Variants in XIRP2 observed in about 807,000 individuals in gnomAD.
XIRP2 encodes the protein xin actin-binding repeat-containing protein 2.
Under a neutral mutation model 277.0 loss-of-function variants are expected in XIRP2, and 236 were observed. The observed-to-expected ratio is 0.85, with a 90% CI of 0.77 to 0.95. The LOEUF is 0.95. XIRP2 is among the 40% of genes least tolerant of loss of function. The pLI, the probability that XIRP2 is intolerant of heterozygous loss-of-function variation, is 0.00. For missense variants in XIRP2, 4,640 were observed against 4,157.5 expected (o/e 1.12, Z -3.19); for synonymous variants, 1,490 against 1,416.5 (o/e 1.05, Z -1.17).
chr2:167,224,270 G>A (rs962428059), intron 5 of XIRP2, among the ~76,000 whole-genome samples: 1 of 152,106 alleles, frequency 6.6e-6, no homozygotes, highest in African/African-American at 2.4e-5. Flanking sequence ...GTCTTGCTCT[G>A]TTGCCCAGGT....
chr2:167,249,634 T>C lies in XIRP2; in HGVS notation c.8242T>C (p.Tyr2748His). The C allele has an allele frequency of 6.2e-7, 1 of 1,613,404 alleles. No homozygotes were observed. The highest frequency in any genetic ancestry group is 8.5e-7 in the Non-Finnish European group (1 of 1,179,750). Reference sequence around the variant, plus strand: ...TGTTCAAACCTTTACCAAAAAACAATATCTGAAAACCAAGAAAACTGAAGC... The same window carrying C: ...TGTTCAAACCTTTACCAAAAAACAACATCTGAAAACCAAGAAAACTGAAGC... ...IDVQTFTKKQ[Y>H]LKTKKTEAST... The change falls in exon 9 of 11, where the codon TAT becomes CAT. Residue 2748 changes from tyrosine to histidine, a missense_variant. Coordinates refer to ENST00000409195, the MANE Select transcript of XIRP2 (RefSeq NM_152381.6).
Position 167,017,834 on chromosome 2 carries a change from G to A in XIRP2, c.408+113944G>A, listed in dbSNP as rs562755177. Reference sequence around the variant, plus strand: ...GAAGTTCTCCAGTACCAACATCTTCGGGAACATTAATCCAGATGTCCCAGC... The same window carrying A: ...GAAGTTCTCCAGTACCAACATCTTCAGGAACATTAATCCAGATGTCCCAGC... On this transcript the variant is annotated intron_variant, in intron 2 of 10. Transcript: ENST00000409195. 5.9e-5 allele frequency among the ~76,000 whole-genome samples: 9 copies of A among 151,978 alleles called. No individual in the cohort carries two copies. In the South Asian group the frequency reaches 6.2e-4, roughly 11 times the overall value.
intron 10 of XIRP2, among the ~76,000 whole-genome samples, chr2:167,256,414 GC>G (rs1203234564): frequency 1.3e-5 from 2 of 151,390 alleles, no homozygotes; most frequent in Non-Finnish European, 3.0e-5. Context: ...TAGTTTTGTT[GC>G]TGATATTTTT....
chr2:167,255,703 T>C (rs1421686333), intron 10 of XIRP2, among the ~76,000 whole-genome samples: 2 of 151,846 alleles, frequency 1.3e-5, no homozygotes, highest in African/African-American at 4.8e-5. Flanking sequence ...TCATCTTAGT[T>C]TTCAGGTTGC....
chr2:167,067,658 A>G (rs1689331024), intron 2 of XIRP2, among the ~76,000 whole-genome samples: 1 of 152,182 alleles, frequency 6.6e-6, no homozygotes, highest in Non-Finnish European at 1.5e-5. Flanking sequence ...GCAGACGCAG[A>G]GATCCAAAGT....
chr2:167,029,771 A>C (rs1368031428), intron 2 of XIRP2, among the ~76,000 whole-genome samples: 2 of 152,136 alleles, frequency 1.3e-5, no homozygotes, highest in Non-Finnish European at 2.9e-5. Context: ...GAATAGTTTC[A>C]GAAGGAATGA....
chr2:167,248,433 T>C lies in XIRP2; in HGVS notation c.7041T>C (p.Pro2347=). ...AAAGTTTTCCAGGCCTCCCTCTTCCTCCACCTCCAGTAGATGAGAAATCTG... is the reference window on the plus strand; with the variant it reads ...AAAGTTTTCCAGGCCTCCCTCTTCCCCCACCTCCAGTAGATGAGAAATCTG... ...EFESFPGLPL[P]PPPVDEKSER... Residue 2347 remains proline (P), a synonymous_variant, in exon 9 of 11, where the codon CCT becomes CCC. Coordinates refer to ENST00000409195, the MANE Select transcript of XIRP2 (RefSeq NM_152381.6). 1 of 1,613,798 alleles carries C rather than the reference T, an allele frequency of 6.2e-7. No individual in the cohort carries two copies. The highest frequency in any genetic ancestry group is 8.5e-7 in the Non-Finnish European group (1 of 1,179,860).
chr2:167,232,115 T>C (rs1694775518), intron 5 of XIRP2, among the ~76,000 whole-genome samples: 1 of 152,128 alleles, frequency 6.6e-6, no homozygotes, highest in African/African-American at 2.4e-5. Context: ...GTGACTGATA[T>C]AAAGATAAAT....
intron 2 of XIRP2, among the ~76,000 whole-genome samples, chr2:166,976,717 T>TA (rs909048959): frequency 5.9e-5 from 9 of 151,640 alleles, no homozygotes; most frequent in African/African-American, 1.5e-4. Context: ...GTGTTATTCT[T>TA]AAAAAAACAA....
intron 2 of XIRP2, among the ~76,000 whole-genome samples, chr2:167,010,009 G>T (rs538192044): frequency 6.6e-6 from 1 of 151,948 alleles, no homozygotes; most frequent in East Asian, 1.9e-4. Context: ...CTCCCATTTT[G>T]TAGGTTGCCT....
At chr2:166,923,867 T>C (rs1685120045) in intron 2 of XIRP2, among the ~76,000 whole-genome samples, 1 of 152,146 alleles carries the variant, frequency 6.6e-6, no homozygotes, top group African/African-American at 2.4e-5. Flanking sequence ...TTTGTCACTA[T>C]GGAAAATGAC....
rs369213144 is a variant in XIRP2 at position 167,242,558 on chromosome 2, C to G, written c.1177-11C>G. ...TCACCTTTATAAGATTTGATTTTCTCTCCCCTAAAGACTGAAAGTGAATAT... is the reference window on the plus strand; with the variant it reads ...TCACCTTTATAAGATTTGATTTTCTGTCCCCTAAAGACTGAAAGTGAATAT... On this transcript the variant is annotated splice_polypyrimidine_tract_variant and intron_variant, in intron 8 of 10. Transcript: ENST00000409195. The G allele has an allele frequency of 1.9e-6, 3 of 1,594,322 alleles. No homozygotes were observed. Among genetic ancestry groups the G allele is most frequent in the African/African-American group, 2.7e-5 (2 of 74,432 alleles).
intron 2 of XIRP2, among the ~76,000 whole-genome samples, chr2:167,130,303 C>A (rs894979532): frequency 6.6e-6 from 1 of 152,158 alleles, no homozygotes; most frequent in Admixed American, 6.5e-5. Flanking sequence ...ACCATCATGA[C>A]TGTTATTTAT....
At chr2:167,079,632 T>C (rs577219113) in intron 2 of XIRP2, among the ~76,000 whole-genome samples, 1 of 152,240 alleles carries the variant, frequency 6.6e-6, no homozygotes, top group Admixed American at 6.5e-5. Context: ...CATAGAGGCA[T>C]TCATAGTACT....
intron 2 of XIRP2, among the ~76,000 whole-genome samples, chr2:167,011,918 A>G (rs1017729752): frequency 1.3e-4 from 19 of 151,994 alleles, no homozygotes; most frequent in African/African-American, 4.6e-4. Context: ...CAGTGGTGAT[A>G]TTCCCTTTAT....
chr2:167,219,740 C>T (rs1244917313), intron 5 of XIRP2, among the ~76,000 whole-genome samples: 6 of 152,140 alleles, frequency 3.9e-5, no homozygotes, highest in African/African-American at 1.2e-4. Flanking sequence ...ACTGCACAGA[C>T]CAAATTCATA....
rs1177162017 is a variant in XIRP2, at chr2:167,247,481, T to C, written c.6089T>C (p.Ile2030Thr). Reference protein sequence around the residue: ...KAPKGTVKIVIDREQNNDALE... With the variant: ...KAPKGTVKIVTDREQNNDALE... ...CCCAAAGGCACTGTAAAGATTGTCA[T>C]AGATCGTGAACAAAACAATGATGCT... Residue 2030 changes from isoleucine (I) to threonine (T), a missense_variant, in exon 9 of 11, where the codon ATA becomes ACA. By Grantham distance (89) the Ile-to-Thr change is moderately conservative. Coordinates refer to ENST00000409195, the MANE Select transcript of XIRP2 (RefSeq NM_152381.6). 1 of 1,613,730 alleles carries C rather than the reference T, an allele frequency of 6.2e-7. No homozygotes were observed. The highest frequency in any genetic ancestry group is 2.2e-5 in the East Asian group (1 of 44,842).
At chr2:166,938,330 T>G (rs982827015) in intron 2 of XIRP2, among the ~76,000 whole-genome samples, 5 of 152,202 alleles carry the variant, frequency 3.3e-5, no homozygotes, top group Non-Finnish European at 5.9e-5. Flanking sequence ...ACACCTTTAT[T>G]TCTGCCTTCA....
At chr2:167,027,550 G>A (rs143476177) in intron 2 of XIRP2, among the ~76,000 whole-genome samples, 77 of 152,248 alleles carry the variant, frequency 5.1e-4, no homozygotes, top group African/African-American at 1.8e-3. Context: ...TGCTGGTGAG[G>A]AGCTGCATTC....
Sources: gnomAD v4.1 joint callset for allele counts (sites outside exome capture counted in the v4.1 genomes callset) on GRCh38, gnomAD v4.1.1 for gene constraint, MANE v1.5 for transcripts, NCBI Gene and HGNC (gene_info 2026-07-23, HGNC 2026-07-21) for gene names.